Variants in COL11A1 observed in about 807,000 individuals in gnomAD.
COL11A1 encodes the protein collagen type XI alpha 1 chain.
In COL11A1, 74 loss-of-function variants were observed where a neutral mutation model predicts 265.2. The ratio of observed to expected loss-of-function variants is 0.28; its 90% CI spans 0.23 to 0.34. COL11A1 has a LOEUF of 0.34. Ranked by LOEUF, COL11A1 falls within the 10% of genes least tolerant of loss-of-function variation. COL11A1 has a pLI of 1.00. For missense variants in COL11A1, 2,165 were observed against 2,263.6 expected (o/e 0.96, Z 0.88); for synonymous variants, 816 against 727.6 (o/e 1.12, Z -1.96).
rs770254690 is a variant in COL11A1, at chr1:102,886,774, G to A, written c.4858+33C>T. The A allele has an allele frequency of 5.0e-6, 8 of 1,613,454 alleles. No homozygotes were observed. The Admixed American group carries it at 5.0e-5, about 10-fold the overall frequency. ...TGCACCTCAGAAACTCAGGGGCTCGGTACATTTGCTTTGTCATGTATTATT... is the reference window on the plus strand; with the variant it reads ...TGCACCTCAGAAACTCAGGGGCTCGATACATTTGCTTTGTCATGTATTATT... On this transcript the variant is annotated intron_variant, in intron 63 of 66. Transcript: ENST00000370096.
intron 4 of COL11A1, among the ~76,000 whole-genome samples, chr1:103,032,781 T>C (rs1668081375): frequency 6.6e-6 from 1 of 152,102 alleles, no homozygotes; most frequent in Non-Finnish European, 1.5e-5. Context: ...ATTTTTAAGG[T>C]TCAAAAATTT....
At chr1:102,965,196 T>C (rs758207691) in intron 38 of COL11A1, among the ~76,000 whole-genome samples, 18 of 152,286 alleles carry the variant, frequency 1.2e-4, no homozygotes, top group Non-Finnish European at 2.2e-4. Flanking sequence ...TATTAGTAGA[T>C]GGTGTCATAG....
chr1:103,070,476 TA>T (rs1464811051), intron 4 of COL11A1, among the ~76,000 whole-genome samples: 3 of 151,740 alleles, frequency 2.0e-5, no homozygotes, highest in Admixed American at 6.6e-5. Flanking sequence ...GCACCCAGTA[TA>T]ATTCCATTTG....
intron 12 of COL11A1, among the ~76,000 whole-genome samples, chr1:103,015,410 C>T (rs1272838887): frequency 6.6e-6 from 1 of 151,742 alleles, no homozygotes; most frequent in Non-Finnish European, 1.5e-5. Context: ...TCAGGATAAA[C>T]CACAATTGGA....
At chr1:103,028,960 C>T (rs531739090) in intron 5 of COL11A1, among the ~76,000 whole-genome samples, 40 of 152,126 alleles carry the variant, frequency 2.6e-4, no homozygotes, top group African/African-American at 9.6e-4. Flanking sequence ...TTAATATTAG[C>T]TTGTCACCTA....
intron 36 of COL11A1, among the ~76,000 whole-genome samples, chr1:102,971,026 C>CAAACA (rs55924751): frequency 0.64 from 95,893 of 150,402 alleles, 31,631 homozygotes; most frequent in East Asian, 0.89. Flanking sequence ...ACAAAACAAA[C>CAAACA]AAAAAAAAAC....
chr1:103,078,004 A>C (rs1485427626), intron 3 of COL11A1, among the ~76,000 whole-genome samples: 1 of 152,154 alleles, frequency 6.6e-6, no homozygotes, highest in Non-Finnish European at 1.5e-5. Context: ...TCAGCACTCT[A>C]TAATGCTTCC....
At chr1:102,886,452 G>GT (rs1650991073) in intron 63 of COL11A1, among the ~76,000 whole-genome samples, 1 of 151,986 alleles carries the variant, frequency 6.6e-6, no homozygotes, top group Non-Finnish European at 1.5e-5. Context: ...TCATATTAAT[G>GT]TAAGTATTCA....
At position 102,914,823 on chromosome 1, in the gene COL11A1, T is replaced by TAAAAA; in HGVS notation, c.3817-17_3817-13dup. 4.7e-6 allele frequency: 6 copies of TAAAAA among 1,268,928 alleles called. No individual in the cohort carries two copies. Among genetic ancestry groups the TAAAAA allele is most frequent in the Non-Finnish European group, 5.5e-6 (5 of 903,408 alleles). 78.6% of individuals were successfully genotyped at this position (1,268,928 alleles called of 1,614,324 possible). On this transcript the variant is annotated splice_polypyrimidine_tract_variant and intron_variant, in intron 50 of 66. Coordinates refer to ENST00000370096, the MANE Select transcript of COL11A1 (RefSeq NM_001854.4). Reference sequence around the variant, plus strand: ...TCTCCTTTGGGACCCTAAACAATGTTAAAAAAAAAAAAAGAAGAAGAAGGA... The same window carrying TAAAAA: ...TCTCCTTTGGGACCCTAAACAATGTTAAAAAAAAAAAAAAAAAAGAAGAAGAAGGA...
intron 46 of COL11A1, among the ~76,000 whole-genome samples, chr1:102,932,435 C>T (rs939763978): frequency 1.3e-5 from 2 of 152,164 alleles, no homozygotes; most frequent in Admixed American, 6.5e-5. Flanking sequence ...TCTCTTCTGG[C>T]TTGTAGGGCT....
intron 12 of COL11A1, 27 bp from the exon 13 acceptor site, chr1:103,014,621 C>T: frequency 6.3e-7 from 1 of 1,586,076 alleles, no homozygotes; most frequent in Non-Finnish European, 8.7e-7. Flanking sequence ...TTAAGAAATT[C>T]AAAATTAGCT....
intron 43 of COL11A1, among the ~76,000 whole-genome samples, chr1:102,940,066 T>G (rs1392749988): frequency 6.6e-6 from 1 of 152,192 alleles, no homozygotes; most frequent in Non-Finnish European, 1.5e-5. Context: ...AATAAATAAA[T>G]TTTGGCATCT....
chr1:103,086,325 C>A (rs12057386), intron 1 of COL11A1, among the ~76,000 whole-genome samples: 120,153 of 151,600 alleles, frequency 0.79, 47,871 homozygotes, highest in East Asian at 0.99. Flanking sequence ...AAAAGGAAAA[C>A]AAAATGCATC....
chr1:103,079,885 A>T (rs538267969), intron 2 of COL11A1, among the ~76,000 whole-genome samples: 2 of 152,074 alleles, frequency 1.3e-5, no homozygotes, highest in Admixed American at 1.3e-4. Context: ...ATAAATCTAT[A>T]AAAGAAATAT....
At chr1:103,018,727 T>C in intron 10 of COL11A1, 91 bp downstream of exon 10, 4 of 1,008,040 alleles carry the variant, frequency 4.0e-6, no homozygotes, top group Admixed American at 4.0e-5. Flanking sequence ...AATATTCTAA[T>C]TAGTCTAAAA....
At chr1:103,082,402 A>G (rs1026480383) in intron 2 of COL11A1, among the ~76,000 whole-genome samples, 1 of 152,060 alleles carries the variant, frequency 6.6e-6, no homozygotes, top group Non-Finnish European at 1.5e-5. Flanking sequence ...TAACTTAGAA[A>G]GTCATTAAGG....
intron 41 of COL11A1, among the ~76,000 whole-genome samples, chr1:102,961,305 A>G (rs937096769): frequency 6.6e-6 from 1 of 152,212 alleles, no homozygotes; most frequent in African/African-American, 2.4e-5. Context: ...TTTGCCAATT[A>G]TTTCATAATG....
At chr1:103,063,961 A>G (rs959508151) in intron 4 of COL11A1, among the ~76,000 whole-genome samples, 7 of 152,246 alleles carry the variant, frequency 4.6e-5, no homozygotes, top group Non-Finnish European at 8.8e-5. Flanking sequence ...TATGTTCAAC[A>G]TCATATGTCA....
At chr1:103,039,539 A>C (rs1002796482) in intron 4 of COL11A1, among the ~76,000 whole-genome samples, 1 of 149,834 alleles carries the variant, frequency 6.7e-6, no homozygotes, top group African/African-American at 2.4e-5. Context: ...AGGAAAGACC[A>C]TGTAAAGACA....
Sources: gnomAD v4.1 joint callset for allele counts (sites outside exome capture counted in the v4.1 genomes callset) on GRCh38, gnomAD v4.1.1 for gene constraint, MANE v1.5 for transcripts, NCBI Gene and HGNC (gene_info 2026-07-23, HGNC 2026-07-21) for gene names.